Variants in OR51B5 observed in about 807,000 individuals in gnomAD.
OR51B5 encodes the protein olfactory receptor family 51 subfamily B member 5.
For synonymous variants in OR51B5, 186 were observed against 144.8 expected, an observed-to-expected ratio of 1.28 and a Z score of -2.04; for missense variants, 456 against 374.6, an observed-to-expected ratio of 1.22 and a Z score of -1.79.
chr11:5,476,753 C>T (rs1213973277), intron 1 of OR51B5, among the ~76,000 whole-genome samples: 1 of 152,016 alleles, frequency 6.6e-6, no homozygotes, highest in Non-Finnish European at 1.5e-5. Flanking sequence ...AGACAAGTTA[C>T]TTAATCTGTT....
chr11:5,401,791 C>T (rs1416550996), intron 1 of OR51B5, among the ~76,000 whole-genome samples: 2 of 148,676 alleles, frequency 1.3e-5, no homozygotes, highest in Non-Finnish European at 3.0e-5. Context: ...TGCACTACAC[C>T]TTAAATGCAT....
At chr11:5,357,240 G>A (rs1348766442) in intron 1 of OR51B5, among the ~76,000 whole-genome samples, 2 of 151,836 alleles carry the variant, frequency 1.3e-5, no homozygotes, top group Non-Finnish European at 2.9e-5. Flanking sequence ...CATCTCATGT[G>A]CACACACACA....
intron 1 of OR51B5, chr11:5,489,237 G>A (rs2133813804): frequency 6.2e-7 from 1 of 1,613,948 alleles, no homozygotes; most frequent in Non-Finnish European, 8.5e-7. Flanking sequence ...ACCGTGTCAT[G>A]ACACACACAT....
At chr11:5,491,755 C>G in intron 1 of OR51B5, among the ~76,000 whole-genome samples, 1 of 152,110 alleles carries the variant, frequency 6.6e-6, no homozygotes, top group Non-Finnish European at 1.5e-5. Context: ...TGAAACTTCC[C>G]TGATTACCAA....
intron 1 of OR51B5, among the ~76,000 whole-genome samples, chr11:5,433,626 T>C (rs1195785489): frequency 6.6e-6 from 1 of 152,142 alleles, no homozygotes; most frequent in African/African-American, 2.4e-5. Flanking sequence ...CCAGGAGTCA[T>C]ACCAGCCTGG....
At chr11:5,375,190 A>AG (rs1481312064) in intron 1 of OR51B5, among the ~76,000 whole-genome samples, 3 of 146,998 alleles carry the variant, frequency 2.0e-5, no homozygotes, top group Admixed American at 6.9e-5. Flanking sequence ...AACATCCTTA[A>AG]AGGAAAGAAT....
At chr11:5,352,932 C>G (rs916532503) in intron 1 of OR51B5, among the ~76,000 whole-genome samples, 1 of 148,468 alleles carries the variant, frequency 6.7e-6, no homozygotes, top group Non-Finnish European at 1.5e-5. Context: ...ATATATAATT[C>G]TTGGGTCTAT....
intron 1 of OR51B5, among the ~76,000 whole-genome samples, chr11:5,375,226 C>T (rs1408136193): frequency 6.7e-6 from 1 of 148,556 alleles, no homozygotes; most frequent in African/African-American, 2.5e-5. Flanking sequence ...TAATATCCAG[C>T]CAAACTAAGC....
intron 1 of OR51B5, among the ~76,000 whole-genome samples, chr11:5,379,387 C>G (rs1444959435): frequency 6.6e-6 from 1 of 151,654 alleles, no homozygotes; most frequent in African/African-American, 2.4e-5. Context: ...GTGCAGCACA[C>G]CAACATGGCA....
intron 1 of OR51B5, among the ~76,000 whole-genome samples, chr11:5,397,385 G>T (rs1849892958): frequency 6.6e-6 from 1 of 152,122 alleles, no homozygotes. Flanking sequence ...CAAAAAGTGG[G>T]CAAAGGATAT....
chr11:5,463,941 C>T lies in OR51B5; in HGVS notation n.84+41628G>A, dbSNP rs367573667. ...GTGAGGGCAGTGTGTTACTGGTGGA[C>T]GTGTTAATGTTCATGTCAACTGTAT... On this transcript the variant is annotated intron_variant and non_coding_transcript_variant, in intron 1 of 4. Transcript: ENST00000415970. Among the ~76,000 whole-genome samples the T allele has an allele frequency of 4.1e-3, 620 of 152,262 alleles. 9 individuals are homozygous for T. Among genetic ancestry groups the T allele is most frequent in the South Asian group, 0.014 (68 of 4,820 alleles).
chr11:5,440,527 C>A, intron 1 of OR51B5: 1 of 1,429,698 alleles, frequency 7.0e-7, no homozygotes, highest in South Asian at 1.2e-5. Context: ...TTAACATGTC[C>A]CAATCCTTCC....
At chr11:5,369,250 TAGA>T (rs61649340) in intron 1 of OR51B5, among the ~76,000 whole-genome samples, 4,696 of 152,238 alleles carry the variant, frequency 0.031, 240 homozygotes, top group African/African-American at 0.11. Context: ...GCCAACATGA[TAGA>T]AGAAGATATG....
intron 1 of OR51B5, among the ~76,000 whole-genome samples, chr11:5,366,434 C>T (rs1387243188): frequency 6.6e-6 from 1 of 152,178 alleles, no homozygotes; most frequent in South Asian, 2.1e-4. Flanking sequence ...TGGTGAAACC[C>T]TGTCTCTAAT....
In OR51B5 at chr11:5,440,826, A is replaced by G; in HGVS notation, n.84+64743T>C. ...CTTGAGCCGCTGTTCCTGGGATATGATGACCAGCATGGCTCTCAGGATCAA... is the reference window on the plus strand; with the variant it reads ...CTTGAGCCGCTGTTCCTGGGATATGGTGACCAGCATGGCTCTCAGGATCAA... On this transcript the variant is annotated intron_variant and non_coding_transcript_variant, in intron 1 of 4. Coordinates refer to the OR51B5 transcript ENST00000415970. 2.5e-6 allele frequency: 4 copies of G among 1,613,892 alleles called. No homozygotes were observed. In the South Asian group the frequency reaches 3.3e-5, roughly 13 times the overall value.
At chr11:5,398,039 CGGGG>C (rs1849906701) in intron 1 of OR51B5, among the ~76,000 whole-genome samples, 1 of 151,562 alleles carries the variant, frequency 6.6e-6, no homozygotes, top group Non-Finnish European at 1.5e-5. Context: ...CATCACACAC[CGGGG>C]CCTGTTGTGG....
chr11:5,340,432 T>G (rs1246347540), downstream of OR51B5: 1 of 146,336 alleles, frequency 6.8e-6, no homozygotes, highest in African/African-American at 2.5e-5. Flanking sequence ...CATTAACAAT[T>G]CTAAGCATTG....
intron 1 of OR51B5, chr11:5,488,848 C>T: frequency 1.2e-6 from 2 of 1,614,026 alleles, no homozygotes; most frequent in East Asian, 2.2e-5. Flanking sequence ...AAATGCTGCC[C>T]TCATCCTGGT....
At chr11:5,386,413 T>G (rs933598330) in intron 1 of OR51B5, among the ~76,000 whole-genome samples, 1 of 152,186 alleles carries the variant, frequency 6.6e-6, no homozygotes, top group Admixed American at 6.5e-5. Context: ...TTGTTTACCT[T>G]TTTGTAGTTT....
Sources: gnomAD v4.1 joint callset for allele counts (sites outside exome capture counted in the v4.1 genomes callset) on GRCh38, gnomAD v4.1.1 for gene constraint, MANE v1.5 for transcripts, NCBI Gene and HGNC (gene_info 2026-07-23, HGNC 2026-07-21) for gene names.